UBAP2: variants seen among roughly 807,000 people sequenced by gnomAD.
UBAP2 encodes ubiquitin-associated protein 2.
UBAP2 carries 75 observed loss-of-function variants against 139.6 expected under a neutral mutation model. The observed-to-expected ratio is 0.54, with a 90% confidence interval of 0.45 to 0.65. The LOEUF (loss-of-function observed/expected upper bound fraction) is 0.65. Ranked by LOEUF, UBAP2 falls within the 30% of genes least tolerant of loss-of-function variation. UBAP2 has a pLI of 0.00. For missense variants in UBAP2, 1,368 were observed against 1,369.6 expected (o/e 1.00, Z 0.02); for synonymous variants, 526 against 526.2 (o/e 1.00, Z 0.01).
chr9:34,016,370 C>CGGCGGCGGCGGCGGCGGCGGTGGTGGT (rs1321174650), intron 2 of UBAP2, among the ~76,000 whole-genome samples: 1 of 93,690 alleles, frequency 1.1e-5, no homozygotes, highest in African/African-American at 4.9e-5. Flanking sequence ...GCGGCAGCGG[C>CGGCGGCGGCGGCGGCGGCGGTGGTGGT]GGTGGTGGTG....
intron 1 of UBAP2, among the ~76,000 whole-genome samples, chr9:34,040,136 G>A (rs1264295240): frequency 2.0e-5 from 3 of 150,996 alleles, no homozygotes; most frequent in Non-Finnish European, 2.9e-5. Context: ...ACTAGCCTGG[G>A]CGACAAGGGC....
chr9:33,923,532 G>A (rs1296444879), intron 24 of UBAP2, 54 bp from the exon 25 acceptor site: 1 of 1,563,588 alleles, frequency 6.4e-7, no homozygotes, highest in African/African-American at 1.4e-5. Flanking sequence ...GCTGAGGCTG[G>A]TCAGGTACCC....
chr9:33,948,872 G>A (rs1461856119), intron 12 of UBAP2: 10 of 318,026 alleles, frequency 3.1e-5, no homozygotes, highest in African/African-American at 8.5e-5. Flanking sequence ...GATGTTGGCC[G>A]GGCGCGGTGG....
intron 1 of UBAP2, among the ~76,000 whole-genome samples, chr9:34,031,277 C>CAA (rs767083775): frequency 1.8e-4 from 13 of 71,774 alleles, no homozygotes; most frequent in East Asian, 8.4e-4. Context: ...AACTCAGTCT[C>CAA]AAAAAAAAAA....
At chr9:33,966,833 C>A (rs1225131550) in intron 8 of UBAP2, among the ~76,000 whole-genome samples, 1 of 152,076 alleles carries the variant, frequency 6.6e-6, no homozygotes, top group Non-Finnish European at 1.5e-5. Context: ...AATTCATCCT[C>A]TGTACCTCTA....
At chr9:34,024,342 CAAA>C (rs11464111) in intron 1 of UBAP2, among the ~76,000 whole-genome samples, 1 of 144,526 alleles carries the variant, frequency 6.9e-6, no homozygotes, top group Non-Finnish European at 1.5e-5. Context: ...AACTCTGTCT[CAAA>C]AAAAAAAAAA....
chr9:33,946,614 C>T (rs969596465), intron 13 of UBAP2, among the ~76,000 whole-genome samples: 1 of 152,128 alleles, frequency 6.6e-6, no homozygotes, highest in South Asian at 2.1e-4. Flanking sequence ...AGGCTGGTCT[C>T]GAACTCCTGC....
intron 16 of UBAP2, among the ~76,000 whole-genome samples, chr9:33,936,155 G>A (rs1285460131): frequency 1.3e-5 from 2 of 152,020 alleles, no homozygotes; most frequent in Admixed American, 6.6e-5. Flanking sequence ...GCTAATTCTT[G>A]TATTTTCTGT....
At chr9:33,935,616 A>C in intron 17 of UBAP2, 2 of 599,626 alleles carry the variant, frequency 3.3e-6, no homozygotes, top group Non-Finnish European at 5.9e-6. Flanking sequence ...GTGCAGTCTG[A>C]TTAGGGCAGA....
intron 16 of UBAP2, among the ~76,000 whole-genome samples, chr9:33,937,838 C>T (rs1190603803): frequency 1.3e-5 from 2 of 151,702 alleles, no homozygotes; most frequent in Non-Finnish European, 2.9e-5. Context: ...AGGAGAATCA[C>T]GTGAACCCAG....
chr9:33,971,318 T>C (rs1484241903), intron 8 of UBAP2, among the ~76,000 whole-genome samples: 1 of 152,196 alleles, frequency 6.6e-6, no homozygotes, highest in East Asian at 1.9e-4. Flanking sequence ...AAATGGGAAG[T>C]ACTTCCAGTA....
At chr9:34,002,682 CT>C (rs1174623843) in intron 2 of UBAP2, among the ~76,000 whole-genome samples, 6 of 151,486 alleles carry the variant, frequency 4.0e-5, no homozygotes, top group Non-Finnish European at 8.8e-5. Context: ...GCCTTAACAT[CT>C]TTTTTTTAAG....
intron 14 of UBAP2, 62 bp from the exon 15 acceptor site, chr9:33,943,651 A>G (rs1015684486): frequency 1.4e-5 from 21 of 1,530,712 alleles, no homozygotes; most frequent in Admixed American, 1.9e-5. Flanking sequence ...ACAAAGGCCT[A>G]TAACAGAGCC....
chr9:33,986,914 AG>A, intron 5 of UBAP2, 77 bp from the exon 6 acceptor site: 2 of 1,241,924 alleles, frequency 1.6e-6, no homozygotes, highest in South Asian at 2.4e-5. Context: ...CACCTATTAA[AG>A]GCAAAGAAGG....
chr9:33,972,370 A>G (rs997490341), intron 7 of UBAP2, among the ~76,000 whole-genome samples: 25 of 152,238 alleles, frequency 1.6e-4, no homozygotes, highest in African/African-American at 6.0e-4. Context: ...AAAGCTAATG[A>G]GCAGGGCTAT....
intron 17 of UBAP2, among the ~76,000 whole-genome samples, chr9:33,933,858 A>T (rs1187248011): frequency 6.6e-6 from 1 of 152,348 alleles, no homozygotes; most frequent in African/African-American, 2.4e-5. Flanking sequence ...TGCAGCAAAG[A>T]ATAGGAAATG....
At chr9:34,015,377 G>C (rs1364576920) in intron 2 of UBAP2, among the ~76,000 whole-genome samples, 1 of 152,082 alleles carries the variant, frequency 6.6e-6, no homozygotes, top group East Asian at 1.9e-4. Context: ...TGAATGCAGT[G>C]GTGTGATCTT....
chr9:33,945,805 G>A (rs1825616432), intron 13 of UBAP2, among the ~76,000 whole-genome samples: 1 of 152,036 alleles, frequency 6.6e-6, no homozygotes, highest in African/African-American at 2.4e-5. Flanking sequence ...AGTACACATA[G>A]GTATCATTTT....
intron 9 of UBAP2, among the ~76,000 whole-genome samples, chr9:33,962,639 A>G (rs1181599405): frequency 2.8e-5 from 4 of 142,850 alleles, no homozygotes; most frequent in Non-Finnish European, 6.1e-5. Flanking sequence ...GCAAGACTCT[A>G]TCTCAAAAAT....
Sources: allele counts gnomAD v4.1 joint callset (sites outside exome capture counted in the v4.1 genomes callset), GRCh38; gene constraint gnomAD v4.1.1; transcripts MANE v1.5; gene names NCBI Gene and HGNC (gene_info 2026-07-23, HGNC 2026-07-21).